CD46: variants seen among roughly 807,000 people sequenced by gnomAD.
The protein encoded by CD46 is CD46 molecule.
Under a neutral mutation model 53.3 loss-of-function variants are expected in CD46, and 30 were observed. The ratio of observed to expected loss-of-function variants is 0.56; its 90% confidence interval spans 0.42 to 0.76. The LOEUF (loss-of-function observed/expected upper bound fraction) is 0.76. CD46 is among the 30% of genes least tolerant of loss of function. CD46 has a pLI of 0.00. For synonymous variants in CD46, 142 were observed against 152.0 expected (o/e 0.93, Z 0.48); for missense variants, 409 against 463.0 (o/e 0.88, Z 1.07).
At chr1:207,768,584 C>A (rs1407817302) in intron 7 of CD46, 1 of 152,120 alleles carries the variant, frequency 6.6e-6, no homozygotes, top group Admixed American at 6.5e-5. Flanking sequence ...AATTTTATAG[C>A]AACTGAAAGG....
rs1571678318 is a variant in CD46 at position 207,783,236 on chromosome 1, T to C, written c.944-56T>C. 3 of 955,280 alleles carry C rather than the reference T, an allele frequency of 3.1e-6. No individual in the cohort carries two copies. The East Asian group carries it at 7.6e-5, about 24-fold the overall frequency. The allele number at this position is 955,280 out of a possible 1,614,324, so 59.2% of individuals were successfully genotyped here. A position where few individuals can be genotyped will look rare whatever the true frequency, so the allele number is the denominator to read the frequency against. On this transcript the variant is annotated intron_variant, in intron 8 of 12. Transcript: ENST00000367042. ...TGAGTTTAAAGGATTTTAAGCTTTA[T>C]ATTTAATTCTTTCCTTCTTTTATTA...
At chr1:207,792,997 CT>C (rs1242151925) in intron 12 of CD46, among the ~76,000 whole-genome samples, 2 of 152,068 alleles carry the variant, frequency 1.3e-5, no homozygotes, top group African/African-American at 4.8e-5. Context: ...CAGCACTAGA[CT>C]AGAATAATAG....
At chr1:207,765,019 G>C (rs1255667337) in intron 5 of CD46, among the ~76,000 whole-genome samples, 1 of 150,714 alleles carries the variant, frequency 6.6e-6, no homozygotes, top group Non-Finnish European at 1.5e-5. Context: ...TAATATCCTT[G>C]ATGAACACAG....
intron 5 of CD46, 24 bp downstream of exon 5, chr1:207,761,470 C>G (rs1285847447): frequency 6.3e-7 from 1 of 1,581,842 alleles, no homozygotes; most frequent in Admixed American, 1.7e-5. Flanking sequence ...TTATTTCCTT[C>G]TTCATTTGTA....
intron 8 of CD46, among the ~76,000 whole-genome samples, chr1:207,782,932 C>A (rs150106955): frequency 6.6e-6 from 1 of 151,644 alleles, no homozygotes; most frequent in African/African-American, 2.4e-5. Flanking sequence ...GGATTACAGG[C>A]GTGAGCCACT....
intron 3 of CD46, among the ~76,000 whole-genome samples, chr1:207,758,995 A>G (rs574125453): frequency 6.6e-6 from 1 of 152,366 alleles, no homozygotes; most frequent in South Asian, 2.1e-4. Context: ...AATTTAAATC[A>G]GGGAAGATTT....
intron 7 of CD46, chr1:207,768,380 C>G (rs1443469682): frequency 6.5e-6 from 1 of 153,462 alleles, no homozygotes; most frequent in African/African-American, 2.4e-5. Context: ...GTTCCTATTG[C>G]AGGACTCTTT....
chr1:207,783,859 C>T (rs1659022410), intron 9 of CD46: 1 of 152,828 alleles, frequency 6.5e-6, no homozygotes, highest in Non-Finnish European at 1.5e-5. Flanking sequence ...AATCTGTTGC[C>T]ATCTTAAACT....
rs1655085190 is a variant in CD46 at position 207,752,915 on chromosome 1, T to C, written c.97+606T>C. On this transcript the variant is annotated intron_variant, in intron 1 of 12. Transcript: ENST00000367042. This position sits in a 1 kb window ranked among gnomAD's most constrained non-coding sequence, Gnocchi z 4.1. ...GCTCAACTGTTTGCTTTGAATGGAG[T>C]GAGCGCGGACTCTGGGGCTAGGGAG... Among the ~76,000 whole-genome samples the C allele has an allele frequency of 1.3e-5, 2 of 150,402 alleles. No individual in the cohort carries two copies. Among genetic ancestry groups the C allele is most frequent in the Admixed American group, 6.6e-5 (1 of 15,126 alleles).
chr1:207,781,565 T>A (rs1179203078), intron 8 of CD46, among the ~76,000 whole-genome samples: 2 of 152,182 alleles, frequency 1.3e-5, no homozygotes, highest in Admixed American at 6.5e-5. Context: ...TTTTACCTCT[T>A]ATGTTTAGGT....
chr1:207,775,723 T>C (rs1438559862), intron 8 of CD46, among the ~76,000 whole-genome samples: 1 of 152,182 alleles, frequency 6.6e-6, no homozygotes, highest in Non-Finnish European at 1.5e-5. Flanking sequence ...TGCCTGATCC[T>C]TCCTCTGGAA....
At chr1:207,778,801 G>GT (rs1380900906) in intron 8 of CD46, among the ~76,000 whole-genome samples, 1 of 152,154 alleles carries the variant, frequency 6.6e-6, no homozygotes, top group Non-Finnish European at 1.5e-5. Context: ...TTTTAAAATA[G>GT]TTTTTTCTAG....
chr1:207,782,713 T>C (rs1476923892), intron 8 of CD46, among the ~76,000 whole-genome samples: 2 of 145,458 alleles, frequency 1.4e-5, no homozygotes, highest in South Asian at 2.3e-4. Context: ...AGTGGCTGTG[T>C]CTCGGCTCAC....
At chr1:207,785,906 AT>A (rs1659230535) in intron 11 of CD46, 1 of 463,564 alleles carries the variant, frequency 2.2e-6, no homozygotes, top group Non-Finnish European at 3.9e-6. Flanking sequence ...TCCTACAGCT[AT>A]TATGACTTTA....
rs533012114 is a variant in CD46, at chr1:207,755,495, A to G, written c.98-1519A>G. Among the ~76,000 whole-genome samples the G allele has an allele frequency of 2.8e-4, 43 of 152,350 alleles. 1 individual carries two copies. The highest frequency in any genetic ancestry group is 1.0e-3 in the African/African-American group (42 of 41,580). Reference sequence around the variant, plus strand: ...CCTGCCCTCTCAAAGGTAGTTGCCAAATGGTTCCAGATAGTTGAAGGAAAC... The same window carrying G: ...CCTGCCCTCTCAAAGGTAGTTGCCAGATGGTTCCAGATAGTTGAAGGAAAC... On this transcript the variant is annotated intron_variant, in intron 1 of 12. Coordinates refer to ENST00000367042, the MANE Select transcript of CD46 (RefSeq NM_172351.3).
intron 8 of CD46, among the ~76,000 whole-genome samples, chr1:207,774,450 G>A (rs941310644): frequency 5.3e-5 from 8 of 152,060 alleles, no homozygotes; most frequent in South Asian, 2.1e-4. Flanking sequence ...TATTTTGCCC[G>A]TTAACTGATG....
At chr1:207,792,031 C>T (rs1462426072) in intron 12 of CD46, among the ~76,000 whole-genome samples, 1 of 152,006 alleles carries the variant, frequency 6.6e-6, no homozygotes, top group Admixed American at 6.6e-5. Context: ...ACCTATAATC[C>T]CAGCACTTTG....
At chr1:207,768,075 A>T (rs911327727) in intron 7 of CD46, 2 of 422,112 alleles carry the variant, frequency 4.7e-6, no homozygotes, top group Non-Finnish European at 8.5e-6. Flanking sequence ...TGTTTACATT[A>T]TATATAGAGA....
At chr1:207,790,619 A>G (rs1659712256) in intron 12 of CD46, among the ~76,000 whole-genome samples, 1 of 152,254 alleles carries the variant, frequency 6.6e-6, no homozygotes, top group South Asian at 2.1e-4. Context: ...CTTGTAAAAC[A>G]GCTGTGAATC....
Sources: gnomAD v4.1 joint callset for allele counts (sites outside exome capture counted in the v4.1 genomes callset) on GRCh38, gnomAD v4.1.1 for gene constraint, Gnocchi (gnomAD v3.1) non-coding constraint, MANE v1.5 for transcripts, NCBI Gene and HGNC (gene_info 2026-07-23, HGNC 2026-07-21) for gene names.